The following SORBS2 variants were observed in gnomAD, a reference collection of about 807,000 sequenced individuals.
SORBS2 encodes the protein sorbin and SH3 domain-containing protein 2.
A neutral mutation model predicts 97.7 loss-of-function variants in SORBS2; 46 were observed. The observed-to-expected ratio is 0.47, with a 90% CI of 0.37 to 0.60. The LOEUF (loss-of-function observed/expected upper bound fraction) is 0.60. Among genes scored for constraint, SORBS2 ranks in the 20% least tolerant of loss-of-function variants. The pLI is 0.00. For missense variants in SORBS2, 1,316 were observed against 1,282.3 expected (o/e 1.03, Z -0.40); for synonymous variants, 476 against 473.4 (o/e 1.01, Z -0.07).
chr4:185,615,260 C>T lies in SORBS2; in HGVS notation c.2352-101G>A, dbSNP rs73028061. The T allele has an allele frequency of 3.7e-3, 2,719 of 726,302 alleles. 50 individuals carry two copies. In the African/African-American group the frequency reaches 0.042, roughly 11 times the overall value. 45.0% of individuals were successfully genotyped at this position (726,302 alleles called of 1,614,324 possible). A position where few individuals can be genotyped will look rare whatever the true frequency, so the allele number is the denominator to read the frequency against. On this transcript the variant is annotated intron_variant, in intron 9 of 14. Coordinates refer to ENST00000418609, the Ensembl canonical transcript of SORBS2. ...TGCATTTGTTTGGCAAATATACTTACAATATTAAAAAATCCAATTGATATT... is the reference window on the plus strand; with the variant it reads ...TGCATTTGTTTGGCAAATATACTTATAATATTAAAAAATCCAATTGATATT...
intron 1 of SORBS2, among the ~76,000 whole-genome samples, chr4:185,851,796 CT>C (rs1216012276): frequency 2.0e-5 from 3 of 152,164 alleles, no homozygotes; most frequent in Non-Finnish European, 4.4e-5. Flanking sequence ...TAGATGCTTC[CT>C]GCCCTCGAAC....
rs905829117 is a variant in SORBS2 at position 185,748,499 on chromosome 4, G to GC, written c.-198+26727dup. Among the ~76,000 whole-genome samples, 8 of 152,096 alleles carry GC rather than the reference G, an allele frequency of 5.3e-5. No homozygotes were observed. In the South Asian group the frequency reaches 6.2e-4, roughly 12 times the overall value. ...TCTGAAATCTTGAAGGACTGCCTAA[G>GC]CCCCCCCACCACACAGAAGCAAAAG... On this transcript the variant is annotated intron_variant, in intron 2 of 20. Transcript: ENST00000284776.
intron 4 of SORBS2, among the ~76,000 whole-genome samples, chr4:185,672,602 T>A (rs13110479): frequency 6.6e-6 from 1 of 152,160 alleles, no homozygotes; most frequent in East Asian, 1.9e-4. Context: ...CTATGAAAAA[T>A]TGTCAAATAT....
Position 185,841,064 on chromosome 4 carries a change from C to T in SORBS2, c.-337-65698G>A, listed in dbSNP as rs555208008. 7.2e-5 allele frequency among the ~76,000 whole-genome samples: 11 copies of T among 152,242 alleles called. No homozygotes were observed. In the South Asian group the frequency reaches 2.3e-3, roughly 32 times the overall value. ...AGAAGGCAACGTGGGTGAGACGAAGCAAAGCAAAGAGGTCAACAAATGTGT... is the reference window on the plus strand; with the variant it reads ...AGAAGGCAACGTGGGTGAGACGAAGTAAAGCAAAGAGGTCAACAAATGTGT... On this transcript the variant is annotated intron_variant, in intron 1 of 20. Transcript: ENST00000284776.
At chr4:185,927,939 C>T (rs577985286) in intron 1 of SORBS2, among the ~76,000 whole-genome samples, 15 of 152,256 alleles carry the variant, frequency 9.9e-5, no homozygotes, top group Admixed American at 3.9e-4. Flanking sequence ...GTTGATTTAA[C>T]ATAAATTGTT....
intron 1 of SORBS2, among the ~76,000 whole-genome samples, chr4:185,854,808 AGAG>A: frequency 6.6e-6 from 1 of 151,014 alleles, no homozygotes. Context: ...AGAGAGAGAG[AGAG>A]AGAGAGCCTT....
At chr4:185,664,404 G>T (rs2097567745) in intron 4 of SORBS2, among the ~76,000 whole-genome samples, 1 of 152,156 alleles carries the variant, frequency 6.6e-6, no homozygotes, top group Non-Finnish European at 1.5e-5. Flanking sequence ...AAATTGAACA[G>T]GTTAGTTGGT....
chr4:185,905,391 A>T (rs1236989214), intron 1 of SORBS2, among the ~76,000 whole-genome samples: 1 of 152,232 alleles, frequency 6.6e-6, no homozygotes, highest in Non-Finnish European at 1.5e-5. Flanking sequence ...TTATCTTCTC[A>T]AGAGATACTA....
chr4:185,603,721 T>C (rs1319164703), intron 12 of SORBS2, among the ~76,000 whole-genome samples: 2 of 152,236 alleles, frequency 1.3e-5, no homozygotes, highest in African/African-American at 2.4e-5. Context: ...TGGACTAATT[T>C]CATGCTGTGG....
chr4:185,831,461 G>C (rs1209806092), intron 1 of SORBS2, among the ~76,000 whole-genome samples: 1 of 152,192 alleles, frequency 6.6e-6, no homozygotes, highest in Non-Finnish European at 1.5e-5. Context: ...TTGTGCAGCT[G>C]AATCCTTTAT....
chr4:185,665,906 A>G, intron 4 of SORBS2: 2 of 1,195,040 alleles, frequency 1.7e-6, no homozygotes, highest in South Asian at 3.1e-5. Flanking sequence ...TCGGCCAGGG[A>G]GGAGTCTGTT....
chr4:185,874,092 A>G (rs1481301665), intron 1 of SORBS2, among the ~76,000 whole-genome samples: 1 of 152,186 alleles, frequency 6.6e-6, no homozygotes, highest in Non-Finnish European at 1.5e-5. Flanking sequence ...AAATTTATCT[A>G]CAAGGATGTC....
intron 4 of SORBS2, among the ~76,000 whole-genome samples, chr4:185,663,608 G>T (rs2097551687): frequency 6.6e-6 from 1 of 152,170 alleles, no homozygotes; most frequent in African/African-American, 2.4e-5. Flanking sequence ...ACCTCTGATG[G>T]ATGATTTGAG....
chr4:185,949,364 G>A (rs920601581), intron 1 of SORBS2, among the ~76,000 whole-genome samples: 4 of 152,112 alleles, frequency 2.6e-5, no homozygotes, highest in African/African-American at 9.7e-5. Context: ...TGTCTACTCC[G>A]AAACAGATGG....
intron 2 of SORBS2, chr4:185,774,090 T>C (rs1252810209): frequency 1.3e-5 from 2 of 152,132 alleles, no homozygotes; most frequent in Admixed American, 6.5e-5. Flanking sequence ...TAAACTTTTC[T>C]GAAAAAAAAG....
rs137860596 is a variant in SORBS2, at chr4:185,896,494, G to A, written c.-338+59702C>T. 1.9e-3 allele frequency among the ~76,000 whole-genome samples: 286 copies of A among 152,322 alleles called. 1 individual carries two copies. Among genetic ancestry groups the A allele is most frequent in the African/African-American group, 6.7e-3 (277 of 41,568 alleles). Reference sequence around the variant, plus strand: ...AGCTACACGGGAGGCTGAGGCAGGAGAATCCCCTGAATCCGGGAGGCAGAG... The same window carrying A: ...AGCTACACGGGAGGCTGAGGCAGGAAAATCCCCTGAATCCGGGAGGCAGAG... On this transcript the variant is annotated intron_variant, in intron 1 of 20. Transcript: ENST00000284776.
intron 4 of SORBS2, among the ~76,000 whole-genome samples, chr4:185,664,870 T>TAA (rs200630303): frequency 1.3e-5 from 2 of 150,346 alleles, no homozygotes; most frequent in South Asian, 4.2e-4. Flanking sequence ...AATATCAATT[T>TAA]AAAAAAAAAA....
At chr4:185,730,869 G>T (rs1053488220) in intron 2 of SORBS2, among the ~76,000 whole-genome samples, 3 of 152,208 alleles carry the variant, frequency 2.0e-5, no homozygotes, top group African/African-American at 7.2e-5. Context: ...AGCCTCAAAA[G>T]GCTGCAGCCT....
chr4:185,653,779 C>T (rs1308844594), intron 1 of SORBS2, among the ~76,000 whole-genome samples: 1 of 152,162 alleles, frequency 6.6e-6, no homozygotes, highest in East Asian at 1.9e-4. Context: ...CTTTTATAAT[C>T]GTACTCACAG....
Sources: allele counts gnomAD v4.1 joint callset (sites outside exome capture counted in the v4.1 genomes callset), GRCh38; gene constraint gnomAD v4.1.1; transcripts MANE v1.5; gene names NCBI Gene and HGNC (gene_info 2026-07-23, HGNC 2026-07-21).